CCDC142: variants seen among roughly 807,000 people sequenced by gnomAD.
The protein encoded by CCDC142 is coiled-coil domain containing 142, also known as coiled-coil domain-containing protein 142.
In CCDC142, 67 loss-of-function variants were observed where a neutral mutation model predicts 83.8. That is an observed-to-expected ratio of 0.80 (90% CI 0.66 to 0.98). The LOEUF is 0.98. CCDC142 is among the 50% of genes least tolerant of loss of function. The pLI, the probability that CCDC142 is intolerant of heterozygous loss-of-function variation, is 0.00. For missense variants in CCDC142, 905 were observed against 946.8 expected, an observed-to-expected ratio of 0.96 and a Z score of 0.58; for synonymous variants, 421 against 421.2, an observed-to-expected ratio of 1.00 and a Z score of 0.01.
rs1419664881 is a variant in CCDC142, at chr2:74,481,962, T to C, written c.876A>G (p.Gly292=). The change falls in exon 1 of 9, where the codon GGA becomes GGG. Residue 292 remains glycine (G), a synonymous_variant. Coordinates refer to ENST00000393965, the MANE Select transcript of CCDC142 (RefSeq NM_001365575.2). ...VGGVAGSASC[G]LGLGGAGALW... is the part of the protein sequence containing the mutation. ...AGGCCCCAGCCCCTCCGAGCCCTAG[T>C]CCACAGCTGGCTGAACCCGCCACGC... is the stretch of plus-strand genomic sequence containing the variant. 1 of 1,613,792 alleles carries C rather than the reference T, an allele frequency of 6.2e-7. No individual in the cohort carries two copies. The highest frequency in any genetic ancestry group is 2.2e-5 in the East Asian group (1 of 44,872).
intron 5 of CCDC142, among the ~76,000 whole-genome samples, chr2:74,478,137 C>T (rs1672368768): frequency 6.7e-6 from 1 of 150,104 alleles, no homozygotes; most frequent in Non-Finnish European, 1.5e-5. Context: ...TCTCGACTCA[C>T]TGGAACCTCC....
At position 74,472,981 on chromosome 2, in the gene CCDC142, T is replaced by C; in HGVS notation, c.*1565A>G. The stretch of plus-strand genomic sequence containing the variant: ...AAATACGCCCGTTTTCTGCAGCCTT[T>C]CCCCTTCTGTACCCTGCTGGGCCAC... On this transcript the variant is annotated 3_prime_UTR_variant, in exon 9 of 9. Coordinates refer to ENST00000393965, the MANE Select transcript of CCDC142 (RefSeq NM_001365575.2). 1 of 414,544 alleles carries C rather than the reference T, an allele frequency of 2.4e-6. No individual in the cohort carries two copies. 25.7% of individuals were successfully genotyped at this position (414,544 alleles called of 1,614,324 possible).
At chr2:74,481,638 C>T in intron 1 of CCDC142, 100 bp from the exon 2 acceptor site, 2 of 1,395,810 alleles carry the variant, frequency 1.4e-6, no homozygotes, top group East Asian at 2.3e-5. Flanking sequence ...TCCTCCAAGA[C>T]TCGGGACTGG....
At position 74,481,834 on chromosome 2, in the gene CCDC142, C is replaced by G. The variant is rs555725800; in HGVS notation, c.1004G>C (p.Ser335Thr). 6.2e-7 allele frequency: 1 copy of G among 1,612,476 alleles called. No individual in the cohort carries two copies. Among genetic ancestry groups the G allele is most frequent in the East Asian group, 2.2e-5 (1 of 44,854 alleles). The change falls in exon 1 of 9, where the codon AGT (serine) becomes ACT (threonine). Residue 335 changes from serine (S) to threonine (T), a missense_variant. Coordinates refer to ENST00000393965, the MANE Select transcript of CCDC142 (RefSeq NM_001365575.2). ...TCACTCACCCTGACCCAGTGCCTGA[C>G]TCAGCTGTTGCGCTGTTGCCCTGGG... is the stretch of plus-strand genomic sequence containing the variant. ...RDPRATAQQL[S>T]QALGQASLPQ...
rs1012629717 is a variant in CCDC142, at chr2:74,482,957, G to T, written c.-120C>A. The T allele has an allele frequency of 3.2e-6, 5 of 1,548,496 alleles. No individual in the cohort carries two copies. The highest frequency in any genetic ancestry group is 3.5e-6 in the Non-Finnish European group (4 of 1,131,776). The stretch of plus-strand genomic sequence containing the variant: ...TTTTCTCCAGTCCGGGAGTCGCGGG[G>T]ACCTTCATGGACTCTCTCGTGCTCC... On this transcript the variant is annotated 5_prime_UTR_variant, in exon 1 of 9. Coordinates refer to ENST00000393965, the MANE Select transcript of CCDC142 (RefSeq NM_001365575.2). The surrounding 1 kb of genome is among the most constrained non-coding windows in gnomAD (Gnocchi z 5.0).
chr2:74,478,535 C>T (rs1284170717), intron 5 of CCDC142, among the ~76,000 whole-genome samples: 5 of 151,780 alleles, frequency 3.3e-5, no homozygotes, highest in African/African-American at 1.2e-4. Context: ...TGCCACCATA[C>T]CGGCTACTTT....
At position 74,478,268 on chromosome 2, in the gene CCDC142, G is replaced by A. The variant is rs189279872; in HGVS notation, c.1503+2501C>T. 4.0e-3 allele frequency among the ~76,000 whole-genome samples: 606 copies of A among 151,444 alleles called. 1 individual carries two copies. Among genetic ancestry groups the A allele is most frequent in the Middle Eastern group, 0.017 (5 of 292 alleles). ...GAAGAGACAGGGTTTCACCATGTTG[G>A]CCAGGCCGGTCTTGATCTCCTAACC... is the stretch of plus-strand genomic sequence containing the variant. On this transcript the variant is annotated intron_variant, in intron 5 of 8. Transcript: ENST00000393965.
In CCDC142 at chr2:74,482,431, G is replaced by A; in HGVS notation, c.407C>T (p.Pro136Leu). Residue 136 changes from proline to leucine, a missense_variant, in exon 1 of 9, where the codon CCC becomes CTC. Pro to Leu is a moderately conservative substitution (Grantham distance 98, BLOSUM62 -3). This residue lies in a region of CCDC142 where 591 missense variants were observed against 571.4 expected (regional missense o/e 1.03). Coordinates refer to ENST00000393965, the MANE Select transcript of CCDC142 (RefSeq NM_001365575.2). The surrounding 1 kb of genome is among the most constrained non-coding windows in gnomAD (Gnocchi z 5.0). ...SPGSPSGGPS[P>L]LPQWCRDLQL... ...CAGGTCGCGGCACCACTGGGGCAAG[G>A]GGCTAGGGCCGCCGGATGGCGAGCC... 2 of 1,556,142 alleles carry A rather than the reference G, an allele frequency of 1.3e-6. No individual in the cohort carries two copies. Among genetic ancestry groups the A allele is most frequent in the Middle Eastern group, 1.7e-4 (1 of 5,976 alleles).
Position 74,482,370 on chromosome 2 carries a change from G to C in CCDC142, c.468C>G (p.Ile156Met), listed in dbSNP as rs200555982. ...LHPSQGAVLRIGPGETLEPLL... is the reference protein window; with the variant it reads ...LHPSQGAVLRMGPGETLEPLL... ...GCGGCTCGAGAGTCTCCCCAGGGCCGATTCGCAGAACCGCCCCTTGGGAAG... is the reference window on the plus strand; with the variant it reads ...GCGGCTCGAGAGTCTCCCCAGGGCCCATTCGCAGAACCGCCCCTTGGGAAG... Residue 156 changes from isoleucine (I) to methionine (M), a missense_variant, in exon 1 of 9, where the codon ATC (isoleucine) becomes ATG (methionine). Ile to Met is a conservative substitution (Grantham distance 10, BLOSUM62 1). This residue lies in a region of CCDC142 where 591 missense variants were observed against 571.4 expected (regional missense o/e 1.03). Transcript: ENST00000393965. This position sits in a 1 kb window ranked among gnomAD's most constrained non-coding sequence, Gnocchi z 5.0. 6.3e-7 allele frequency: 1 copy of C among 1,585,232 alleles called. No homozygotes were observed. The highest frequency in any genetic ancestry group is 1.3e-5 in the African/African-American group (1 of 74,784).
chr2:74,475,630 G>A lies in CCDC142; in HGVS notation c.1600C>T (p.Arg534Trp), dbSNP rs776176432. 27 of 1,613,596 alleles carry A rather than the reference G, an allele frequency of 1.7e-5. No homozygotes were observed. Among genetic ancestry groups the A allele is most frequent in the Non-Finnish European group, 2.1e-5 (25 of 1,179,668 alleles). ...KLYMPRGRYW[R>W]LRLCPEPPSA... is the part of the protein sequence containing the mutation. ...GAGTTACCAGGACAGAGACGAAGCCGCCAGTACCGACCCCGTGGCATGTAG... is the reference window on the plus strand; with the variant it reads ...GAGTTACCAGGACAGAGACGAAGCCACCAGTACCGACCCCGTGGCATGTAG... The change falls in exon 6 of 9, where the codon CGG becomes TGG. Residue 534 changes from arginine (R) to tryptophan (W), a missense_variant. This residue lies in a region of CCDC142 where 265 missense variants were observed against 288.9 expected (regional missense o/e 0.92). Coordinates refer to ENST00000393965, the MANE Select transcript of CCDC142 (RefSeq NM_001365575.2).
At position 74,482,601 on chromosome 2, in the gene CCDC142, T is replaced by C. The variant is rs750768676; in HGVS notation, c.237A>G (p.Ala79=). The change falls in exon 1 of 9, where the codon GCA becomes GCG. Residue 79 remains alanine, a synonymous_variant. Transcript: ENST00000393965. This position sits in a 1 kb window ranked among gnomAD's most constrained non-coding sequence, Gnocchi z 5.0. ...GCGCGGGAGGGATCGGGCCGCCACC[T>C]GCGGGCCCCCGCCTCCAGGCCGCAG... The part of the protein sequence containing the change: ...ADAAAWRRGP[A]GGGPIPPALQ... 27 of 1,604,506 alleles carry C rather than the reference T, an allele frequency of 1.7e-5. No individual in the cohort carries two copies. Among genetic ancestry groups the C allele is most frequent in the Non-Finnish European group, 2.1e-5 (25 of 1,175,832 alleles).
intron 5 of CCDC142, among the ~76,000 whole-genome samples, chr2:74,478,886 C>T (rs1354941408): frequency 2.0e-5 from 3 of 151,610 alleles, no homozygotes; most frequent in African/African-American, 7.3e-5. Flanking sequence ...ACTAGCTGGG[C>T]GTGGTGGCAG....
Position 74,474,358 on chromosome 2 carries a change from A to T in CCDC142, c.*188T>A. 1 of 680,510 alleles carries T rather than the reference A, an allele frequency of 1.5e-6. No homozygotes were observed. The highest frequency in any genetic ancestry group is 2.3e-6 in the Non-Finnish European group (1 of 430,810). 42.2% of individuals were successfully genotyped at this position (680,510 alleles called of 1,614,324 possible). ...TCGGTCTCCCAAAGTGCTGGATTACAGGCGTGAGCCACCTCGCCCAGCCCC... is the reference window on the plus strand; with the variant it reads ...TCGGTCTCCCAAAGTGCTGGATTACTGGCGTGAGCCACCTCGCCCAGCCCC... On this transcript the variant is annotated 3_prime_UTR_variant, in exon 9 of 9. Coordinates refer to ENST00000393965, the MANE Select transcript of CCDC142 (RefSeq NM_001365575.2).
rs753691435 is a variant in CCDC142 at position 74,474,927 on chromosome 2, G to C, written c.1985C>G (p.Pro662Arg). 2 of 1,594,904 alleles carry C rather than the reference G, an allele frequency of 1.3e-6. No homozygotes were observed. Among genetic ancestry groups the C allele is most frequent in the African/African-American group, 2.7e-5 (2 of 74,674 alleles). The change falls in exon 8 of 9, where the codon CCC (proline) becomes CGC (arginine). Residue 662 changes from proline (P) to arginine (R), a missense_variant. Around this residue, in one of 3 missense-constraint regions of CCDC142, gnomAD observed 265 missense variants for 288.9 expected, o/e 0.92. Transcript: ENST00000393965. ...PLPKSQVHRR[P>R]PCCCACQEVQ... Reference sequence around the variant, plus strand: ...GGGGAGTAACTCACAGCAACAGGGGGGCCTCCTGTGGACTTGAGACTTGGG... The same window carrying C: ...GGGGAGTAACTCACAGCAACAGGGGCGCCTCCTGTGGACTTGAGACTTGGG...
rs535378121 is a variant in CCDC142, at chr2:74,478,061, T to C, written c.1504-2335A>G. Among the ~76,000 whole-genome samples the C allele has an allele frequency of 5.4e-5, 8 of 146,986 alleles. No individual in the cohort carries two copies. The South Asian group carries it at 1.5e-3, about 27-fold the overall frequency. ...ATATATAGATATAATATAAATAAAA[T>C]ATATATATATACTTTTTTTTTTTTG... On this transcript the variant is annotated intron_variant, in intron 5 of 8. Coordinates refer to ENST00000393965, the MANE Select transcript of CCDC142 (RefSeq NM_001365575.2).
chr2:74,477,122 CT>C (rs201019144), intron 5 of CCDC142, among the ~76,000 whole-genome samples: 256 of 145,272 alleles, frequency 1.8e-3, no homozygotes, highest in Middle Eastern at 7.2e-3. Context: ...CACAATGCCT[CT>C]TTTTTTTTTT....
At chr2:74,481,665 T>G in intron 1 of CCDC142, 127 bp from the exon 2 acceptor site, 16 of 1,373,498 alleles carry the variant, frequency 1.2e-5, no homozygotes, top group Non-Finnish European at 1.5e-5. Flanking sequence ...AAGCAAGACT[T>G]TGCCTTGAAA....
rs766461034 is a variant in CCDC142, at chr2:74,475,661, G to A, written c.1569C>T (p.Phe523=). The change falls in exon 6 of 9, where the codon TTC becomes TTT. Residue 523 remains phenylalanine, a synonymous_variant. Coordinates refer to ENST00000393965, the MANE Select transcript of CCDC142 (RefSeq NM_001365575.2). ...QECHKQAMQG[F]KLYMPRGRYW... is the part of the protein sequence containing the mutation. ...ACCGACCCCGTGGCATGTAGAGCTT[G>A]AAACCTTGCATGGCTTGTTTATGAC... The A allele has an allele frequency of 1.9e-6, 3 of 1,614,152 alleles. No homozygotes were observed. The Admixed American group carries it at 5.0e-5, about 27-fold the overall frequency.
In CCDC142 at chr2:74,482,932, T is replaced by A. The variant is rs903129139; in HGVS notation, c.-95A>T. On this transcript the variant is annotated 5_prime_UTR_variant, in exon 1 of 9. Coordinates refer to ENST00000393965, the MANE Select transcript of CCDC142 (RefSeq NM_001365575.2). This position sits in a 1 kb window ranked among gnomAD's most constrained non-coding sequence, Gnocchi z 5.0. ...GGACTTCGCCCCATCGCAAGAGCCG[T>A]TTTCTCCAGTCCGGGAGTCGCGGGG... 3 of 1,562,022 alleles carry A rather than the reference T, an allele frequency of 1.9e-6. No homozygotes were observed. The African/African-American group carries it at 4.1e-5, about 21-fold the overall frequency.
Sources: gnomAD v4.1 joint callset for allele counts (sites outside exome capture counted in the v4.1 genomes callset) on GRCh38, gnomAD v4.1.1 for gene constraint, gnomAD v4.1.1 regional missense constraint, Gnocchi (gnomAD v3.1) non-coding constraint, MANE v1.5 for transcripts, NCBI Gene and HGNC (gene_info 2026-07-23, HGNC 2026-07-21) for gene names.